Variants in UST observed in about 807,000 individuals in gnomAD.
The protein encoded by UST is uronyl 2-sulfotransferase.
A neutral mutation model predicts 45.6 loss-of-function variants in UST; 21 were observed. The ratio of observed to expected loss-of-function variants is 0.46; its 90% confidence interval spans 0.33 to 0.66. The LOEUF (loss-of-function observed/expected upper bound fraction) is 0.66. Ranked by LOEUF, UST falls within the 30% of genes least tolerant of loss-of-function variation. The pLI, the probability that UST is intolerant of heterozygous loss-of-function variation, is 0.02. For missense variants in UST, 463 were observed against 512.4 expected (o/e 0.90, Z 0.93); for synonymous variants, 215 against 200.6 (o/e 1.07, Z -0.61).
At chr6:148,854,486 AC>A (rs1243085174) in intron 1 of UST, among the ~76,000 whole-genome samples, 2 of 152,228 alleles carry the variant, frequency 1.3e-5, no homozygotes, top group African/African-American at 4.8e-5. Flanking sequence ...ATATTTACTT[AC>A]ATTCTCAGCA....
At chr6:148,780,031 A>T (rs1776610302) in intron 1 of UST, among the ~76,000 whole-genome samples, 2 of 151,902 alleles carry the variant, frequency 1.3e-5, no homozygotes, top group South Asian at 4.2e-4. Flanking sequence ...TCAGTGAGGT[A>T]TTATTGTATT....
At chr6:148,997,832 A>T (rs1198586897) in intron 5 of UST, among the ~76,000 whole-genome samples, 1 of 152,218 alleles carries the variant, frequency 6.6e-6, no homozygotes, top group African/African-American at 2.4e-5. Flanking sequence ...AATTTAAAAT[A>T]ATTATTTTAT....
intron 7 of UST, among the ~76,000 whole-genome samples, chr6:149,026,743 C>CG (rs1188985978): frequency 2.0e-5 from 3 of 152,202 alleles, no homozygotes; most frequent in African/African-American, 7.2e-5. Flanking sequence ...CCCTTCCTAG[C>CG]GACTTGAAAA....
chr6:148,966,992 C>T (rs1780816204), intron 5 of UST, among the ~76,000 whole-genome samples: 1 of 152,214 alleles, frequency 6.6e-6, no homozygotes, highest in Admixed American at 6.5e-5. Context: ...CCCACCTCAG[C>T]CTCCCAAAGT....
intron 1 of UST, among the ~76,000 whole-genome samples, chr6:148,816,548 A>G (rs1474118891): frequency 6.6e-6 from 1 of 152,232 alleles, no homozygotes; most frequent in African/African-American, 2.4e-5. Flanking sequence ...AACATAGTAA[A>G]TAGCTGGTTC....
At chr6:148,903,221 C>A (rs1248384609) in intron 2 of UST, among the ~76,000 whole-genome samples, 2 of 151,818 alleles carry the variant, frequency 1.3e-5, no homozygotes, top group African/African-American at 4.8e-5. Flanking sequence ...ATAACATTAT[C>A]CAGAATAATA....
At chr6:149,065,925 G>C (rs993933090) in intron 7 of UST, among the ~76,000 whole-genome samples, 1 of 152,164 alleles carries the variant, frequency 6.6e-6, no homozygotes, top group Non-Finnish European at 1.5e-5. Context: ...TCATTTTGTT[G>C]TTCACAGTGC....
intron 2 of UST, among the ~76,000 whole-genome samples, chr6:148,896,598 G>A (rs1449014776): frequency 6.6e-6 from 1 of 152,182 alleles, no homozygotes; most frequent in Non-Finnish European, 1.5e-5. Context: ...GTCTAAGGCT[G>A]AAATGATGAA....
At chr6:148,793,301 A>G (rs931077428) in intron 1 of UST, among the ~76,000 whole-genome samples, 1 of 152,146 alleles carries the variant, frequency 6.6e-6, no homozygotes, top group African/African-American at 2.4e-5. Context: ...ACTAAAAATA[A>G]GGGTGATGTT....
At chr6:148,913,100 T>C (rs1779508748) in intron 2 of UST, among the ~76,000 whole-genome samples, 1 of 152,206 alleles carries the variant, frequency 6.6e-6, no homozygotes, top group Non-Finnish European at 1.5e-5. Flanking sequence ...AATTTCTTAC[T>C]GGATTAGTGG....
rs1453177562 is a variant in UST, at chr6:149,076,226, A to C, written c.*2110A>C. On this transcript the variant is annotated 3_prime_UTR_variant, in exon 8 of 8. Transcript: ENST00000367463. Reference sequence around the variant, plus strand: ...AACCTGGAGAACAGCTATCAATCATATTCAAAACCAGTACAAGAACTGCTG... The same window carrying C: ...AACCTGGAGAACAGCTATCAATCATCTTCAAAACCAGTACAAGAACTGCTG... The C allele has an allele frequency of 5.9e-5, 9 of 152,298 alleles. No individual in the cohort carries two copies. Among genetic ancestry groups the C allele is most frequent in the African/African-American group, 2.2e-4 (9 of 41,470 alleles). 9.4% of individuals were successfully genotyped at this position (152,298 alleles called of 1,614,324 possible). A position where few individuals can be genotyped will look rare whatever the true frequency, so the allele number is the denominator to read the frequency against.
chr6:148,963,918 C>T (rs1006760370), intron 4 of UST, among the ~76,000 whole-genome samples: 31 of 152,330 alleles, frequency 2.0e-4, no homozygotes, highest in Non-Finnish European at 3.8e-4. Flanking sequence ...TGCAGAGCAC[C>T]TGACCCGGAA....
chr6:149,019,049 T>C, intron 5 of UST, 90 bp from the exon 6 acceptor site: 2 of 1,013,770 alleles, frequency 2.0e-6, no homozygotes, highest in Admixed American at 1.8e-5. Context: ...GCCTGTGTAA[T>C]TCAATCATGA....
intron 5 of UST, among the ~76,000 whole-genome samples, chr6:148,965,300 T>G (rs1409633961): frequency 6.6e-6 from 1 of 152,182 alleles, no homozygotes; most frequent in Non-Finnish European, 1.5e-5. Flanking sequence ...TTCCCATCCC[T>G]GTGTTGAGAA....
At chr6:148,782,394 T>C (rs1582808611) in intron 1 of UST, among the ~76,000 whole-genome samples, 1 of 151,894 alleles carries the variant, frequency 6.6e-6, no homozygotes, top group Admixed American at 6.6e-5. Context: ...AACCTGAAAA[T>C]GGGACTAAAT....
rs1368206282 is a variant in UST, at chr6:149,049,925, T to TCACACA, written c.938-23907_938-23906insACACAC. On this transcript the variant is annotated intron_variant, in intron 7 of 7. Transcript: ENST00000367463. ...CTCACCTTGTCTCTCTCTCTCTCTC[T>TCACACA]CTCTCTCACACACACACACACACAC... is the stretch of plus-strand genomic sequence containing the variant. Among the ~76,000 whole-genome samples the TCACACA allele has an allele frequency of 2.7e-3, 353 of 128,774 alleles. 1 individual carries two copies. Among genetic ancestry groups the TCACACA allele is most frequent in the African/African-American group, 0.011 (344 of 31,258 alleles). The allele number at this position is 128,774 out of a possible 152,430, so 84.5% of individuals were successfully genotyped here.
chr6:149,054,173 G>C (rs1383367376), intron 7 of UST, among the ~76,000 whole-genome samples: 2 of 152,164 alleles, frequency 1.3e-5, no homozygotes, highest in Non-Finnish European at 1.5e-5. Flanking sequence ...AGAAAGGGAG[G>C]GGGGTGCGGT....
intron 1 of UST, among the ~76,000 whole-genome samples, chr6:148,819,439 G>T (rs142837569): frequency 3.9e-5 from 6 of 152,154 alleles, no homozygotes; most frequent in African/African-American, 1.4e-4. Flanking sequence ...AAGTAATCAC[G>T]ACTGTGACTC....
chr6:148,785,475 C>G (rs1183630932), intron 1 of UST, among the ~76,000 whole-genome samples: 1 of 152,110 alleles, frequency 6.6e-6, no homozygotes, highest in Non-Finnish European at 1.5e-5. Context: ...ATGAAAATTG[C>G]TTTATAAAGA....
Sources: gnomAD v4.1 joint callset for allele counts (sites outside exome capture counted in the v4.1 genomes callset) on GRCh38, gnomAD v4.1.1 for gene constraint, MANE v1.5 for transcripts, NCBI Gene and HGNC (gene_info 2026-07-23, HGNC 2026-07-21) for gene names.